The following CPEB3 variants were observed in gnomAD, a reference collection of about 807,000 sequenced individuals.
CPEB3 encodes the protein cytoplasmic polyadenylation element-binding protein 3.
Under a neutral mutation model 67.2 loss-of-function variants are expected in CPEB3, and 20 were observed. The observed-to-expected ratio is 0.30, with a 90% CI of 0.21 to 0.43. The LOEUF (loss-of-function observed/expected upper bound fraction) is 0.43, where lower values mean the gene tolerates loss of function less well. Ranked by LOEUF, CPEB3 falls within the 20% of genes least tolerant of loss-of-function variation. The pLI is 1.00. For synonymous variants in CPEB3, 376 were observed against 393.1 expected, an observed-to-expected ratio of 0.96 and a Z score of 0.51; for missense variants, 746 against 968.6, an observed-to-expected ratio of 0.77 and a Z score of 3.05.
chr10:92,257,015 T>C (rs1009700177), intron 1 of CPEB3, among the ~76,000 whole-genome samples: 1 of 152,236 alleles, frequency 6.6e-6, no homozygotes, highest in African/African-American at 2.4e-5. Flanking sequence ...TTTGTTGAAA[T>C]GTAAAGCACT....
chr10:92,254,404 T>C (rs189834711), intron 1 of CPEB3, among the ~76,000 whole-genome samples: 1 of 152,258 alleles, frequency 6.6e-6, no homozygotes, highest in East Asian at 1.9e-4. Context: ...TGATGATCTG[T>C]TAAGTAATTC....
At chr10:92,270,832 G>A (rs566814042) in intron 1 of CPEB3, among the ~76,000 whole-genome samples, 6 of 151,918 alleles carry the variant, frequency 3.9e-5, no homozygotes, top group Non-Finnish European at 5.9e-5. Context: ...GGCCTTCCAA[G>A]GTACTGGGAT....
chr10:92,178,101 C>T (rs1425309342), intron 4 of CPEB3, among the ~76,000 whole-genome samples: 1 of 151,838 alleles, frequency 6.6e-6, no homozygotes, highest in Non-Finnish European at 1.5e-5. Context: ...CTAGTCCCTT[C>T]GATAATCACA....
At position 92,291,004 on chromosome 10, in the gene CPEB3, G is replaced by A. The variant is rs1842843352; in HGVS notation, c.-90C>T. On this transcript the variant is annotated 5_prime_UTR_variant, in exon 1 of 10. Coordinates refer to ENST00000265997, the MANE Select transcript of CPEB3 (RefSeq NM_014912.5). The stretch of plus-strand genomic sequence containing the variant: ...CCGAAAGACATTTTTTCCCCCTGGA[G>A]GAAGGAAACGGGAGGGCGCCGGCCA... 2 of 168,452 alleles carry A rather than the reference G, an allele frequency of 1.2e-5. No individual in the cohort carries two copies. Among genetic ancestry groups the A allele is most frequent in the Admixed American group, 1.3e-4 (2 of 15,480 alleles). 10.4% of individuals were successfully genotyped at this position (168,452 alleles called of 1,614,324 possible).
At chr10:92,061,440 A>C (rs1436662425) in intron 9 of CPEB3, among the ~76,000 whole-genome samples, 1 of 128,766 alleles carries the variant, frequency 7.8e-6, no homozygotes, top group Non-Finnish European at 1.7e-5. Flanking sequence ...AAAAAAAAAA[A>C]AAACATATGA....
chr10:92,075,565 T>C (rs1406889797), intron 9 of CPEB3, among the ~76,000 whole-genome samples: 1 of 152,204 alleles, frequency 6.6e-6, no homozygotes, highest in Non-Finnish European at 1.5e-5. Flanking sequence ...AACAGCTCAA[T>C]AAAGCTGTTA....
chr10:92,255,403 G>A (rs1852474990), intron 1 of CPEB3, among the ~76,000 whole-genome samples: 1 of 152,148 alleles, frequency 6.6e-6, no homozygotes. Flanking sequence ...CATTACCAAA[G>A]TCACCAATGA....
intron 1 of CPEB3, 25 bp from the exon 2 acceptor site, chr10:92,240,386 C>G (rs1851789615): frequency 7.0e-7 from 1 of 1,435,156 alleles, no homozygotes; most frequent in South Asian, 1.5e-5. Flanking sequence ...AAGAGAGACG[C>G]GTTATTGTCA....
At chr10:92,241,519 C>A (rs1426012785) in intron 1 of CPEB3, among the ~76,000 whole-genome samples, 1 of 152,100 alleles carries the variant, frequency 6.6e-6, no homozygotes. Context: ...CATATGCTAG[C>A]AAAAGTGTTA....
intron 6 of CPEB3, among the ~76,000 whole-genome samples, chr10:92,131,429 T>C (rs948271817): frequency 2.0e-5 from 3 of 152,174 alleles, no homozygotes; most frequent in South Asian, 2.1e-4. Context: ...TTGTAAAATA[T>C]GGCATATACA....
At position 92,081,336 on chromosome 10, in the gene CPEB3, T is replaced by C; in HGVS notation, c.1853A>G (p.Asn618Ser). ...ISARFVQLQH[N>S]DIDKRVEVKP... ...GGTGCTTACCCGTTTGTCAATGTCA[T>C]TGTGCTGAAGCTGCACAAAACGAGC... The change falls in exon 9 of 10, where the codon AAT becomes AGT. Residue 618 changes from asparagine to serine, a missense_variant. Asn to Ser is a conservative substitution (Grantham distance 46). Coordinates refer to ENST00000265997, the MANE Select transcript of CPEB3 (RefSeq NM_014912.5). The C allele has an allele frequency of 6.2e-7, 1 of 1,614,214 alleles. No homozygotes were observed. Among genetic ancestry groups the C allele is most frequent in the Non-Finnish European group, 8.5e-7 (1 of 1,180,038 alleles).
chr10:92,105,863 C>T (rs577345476), intron 7 of CPEB3, among the ~76,000 whole-genome samples: 13 of 151,092 alleles, frequency 8.6e-5, no homozygotes, highest in African/African-American at 2.7e-4. Context: ...TTACAGGCGT[C>T]CGCCACCATG....
intron 6 of CPEB3, among the ~76,000 whole-genome samples, chr10:92,124,987 G>C (rs911794213): frequency 6.6e-6 from 1 of 152,234 alleles, no homozygotes; most frequent in African/African-American, 2.4e-5. Context: ...TGAATAGTAT[G>C]TGGCCTGGCT....
chr10:92,243,808 A>G (rs2134717858), intron 1 of CPEB3, among the ~76,000 whole-genome samples: 1 of 152,348 alleles, frequency 6.6e-6, no homozygotes, highest in East Asian at 1.9e-4. Flanking sequence ...TATCAACCTT[A>G]GAGGTCAGGT....
intron 1 of CPEB3, among the ~76,000 whole-genome samples, chr10:92,260,650 G>A (rs1328876946): frequency 6.6e-6 from 1 of 151,868 alleles, no homozygotes; most frequent in African/African-American, 2.4e-5. Flanking sequence ...TGTTGCCCAA[G>A]CTGGAGTGCA....
intron 7 of CPEB3, among the ~76,000 whole-genome samples, chr10:92,099,854 G>A (rs1040556398): frequency 1.4e-5 from 2 of 141,212 alleles, no homozygotes; most frequent in African/African-American, 2.7e-5. Context: ...GTGAAACTCC[G>A]TCTCAAAAAA....
Position 92,240,328 on chromosome 10 carries a change from T to C in CPEB3, c.23A>G (p.Asp8Gly). Reference protein sequence around the residue: MQDDLLMDKSKTQPQPQQ... With the variant: MQDDLLMGKSKTQPQPQQ... The stretch of plus-strand genomic sequence containing the variant: ...GGGCTGGGGCTGGGTTTTGCTTTTG[T>C]CCATCAGTAAATCATCCTGCATGGT... The change falls in exon 2 of 10, where the codon GAC becomes GGC. Residue 8 changes from aspartate to glycine, a missense_variant. By Grantham distance (94) the Asp-to-Gly change is moderately conservative. Coordinates refer to ENST00000265997, the MANE Select transcript of CPEB3 (RefSeq NM_014912.5). 1 of 1,486,584 alleles carries C rather than the reference T, an allele frequency of 6.7e-7. No individual in the cohort carries two copies. 92.1% of individuals were successfully genotyped at this position (1,486,584 alleles called of 1,614,324 possible). A position where few individuals can be genotyped will look rare whatever the true frequency, so the allele number is the denominator to read the frequency against.
intron 4 of CPEB3, among the ~76,000 whole-genome samples, chr10:92,158,043 A>T (rs1847290939): frequency 6.6e-6 from 1 of 151,936 alleles, no homozygotes; most frequent in African/African-American, 2.4e-5. Context: ...AAAAAAAAAA[A>T]TTTACCTCGT....
chr10:92,225,175 A>G (rs910640355), intron 2 of CPEB3, among the ~76,000 whole-genome samples: 4 of 151,932 alleles, frequency 2.6e-5, no homozygotes, highest in African/African-American at 7.2e-5. Context: ...GGGTTGCACA[A>G]TGTTGGCCAG....
Sources: gnomAD v4.1 joint callset for allele counts (sites outside exome capture counted in the v4.1 genomes callset) on GRCh38, gnomAD v4.1.1 for gene constraint, MANE v1.5 for transcripts, NCBI Gene and HGNC (gene_info 2026-07-23, HGNC 2026-07-21) for gene names.